NSD2: variants seen among roughly 807,000 people sequenced by gnomAD.
NSD2 encodes the protein histone-lysine N-methyltransferase NSD2.
In NSD2, 12 loss-of-function variants were observed where a neutral mutation model predicts 139.0. The observed-to-expected ratio is 0.09, with a 90% CI of 0.06 to 0.14. NSD2 has a LOEUF of 0.14. NSD2 is among the 10% of genes least tolerant of loss of function. NSD2 has a pLI of 1.00. For missense variants in NSD2, 1,155 were observed against 1,745.0 expected, an observed-to-expected ratio of 0.66 and a Z score of 6.02; for synonymous variants, 669 against 648.7, an observed-to-expected ratio of 1.03 and a Z score of -0.48.
At chr4:1,946,727 A>C in intron 9 of NSD2, 3 of 1,044,660 alleles carry the variant, frequency 2.9e-6, no homozygotes, top group Non-Finnish European at 3.5e-6. Flanking sequence ...ATTGACTGTA[A>C]TTAGCAGGTA....
chr4:1,913,225 G>A (rs753360836), intron 3 of NSD2, among the ~76,000 whole-genome samples: 1 of 152,226 alleles, frequency 6.6e-6, no homozygotes, highest in Non-Finnish European at 1.5e-5. Flanking sequence ...TTGGACTAGC[G>A]GTAACGCCAG....
chr4:1,890,953 G>T (rs1715485033), intron 1 of NSD2, among the ~76,000 whole-genome samples: 1 of 152,004 alleles, frequency 6.6e-6, no homozygotes, highest in African/African-American at 2.4e-5. Context: ...GAGTGCAGTG[G>T]CGTGATCTTG....
chr4:1,900,607 CTTTTTTT>C lies in NSD2; in HGVS notation c.-29-17_-29-11del. The C allele has an allele frequency of 6.9e-7, 1 of 1,456,160 alleles. No homozygotes were observed. Among genetic ancestry groups the C allele is most frequent in the Non-Finnish European group, 9.2e-7 (1 of 1,091,572 alleles). The allele number at this position is 1,456,160 out of a possible 1,614,324, so 90.2% of individuals were successfully genotyped here. On this transcript the variant is annotated splice_polypyrimidine_tract_variant and intron_variant, in intron 1 of 21. Transcript: ENST00000508803. ...TGTAATTGCTTTTTCTTTCTTTTTT[CTTTTTTT>C]TAATACCATAGTGTTCTAAGAACGG... is the stretch of plus-strand genomic sequence containing the variant.
intron 5 of NSD2, among the ~76,000 whole-genome samples, chr4:1,928,071 CTTT>C (rs568094064): frequency 1.4e-5 from 2 of 138,988 alleles, no homozygotes; most frequent in African/African-American, 2.6e-5. Context: ...AAAATAATTT[CTTT>C]TTTTTTTTTT....
intron 7 of NSD2, 75 bp from the exon 8 acceptor site, chr4:1,938,376 T>TCTTTTTTTTTC (rs1722655152): frequency 8.1e-7 from 1 of 1,227,446 alleles, no homozygotes; most frequent in Non-Finnish European, 1.1e-6. Context: ...TTGTTCTTTT[T>TCTTTTTTTTTC]CTTTTTTTTT....
chr4:1,919,498 C>T (rs1312740426), intron 5 of NSD2, among the ~76,000 whole-genome samples: 1 of 152,218 alleles, frequency 6.6e-6, no homozygotes, highest in East Asian at 1.9e-4. Flanking sequence ...GGGTTCCCCA[C>T]TTCCCACTTT....
In NSD2 at chr4:1,978,990, G is replaced by T; in HGVS notation, c.*81G>T. On this transcript the variant is annotated 3_prime_UTR_variant, in exon 22 of 22. Transcript: ENST00000508803. ...TGCGGGAGAGGGCGAGCATGAACTGGCCCGGAGGACCCAGCTCGAGCCGCC... is the reference window on the plus strand; with the variant it reads ...TGCGGGAGAGGGCGAGCATGAACTGTCCCGGAGGACCCAGCTCGAGCCGCC... The T allele has an allele frequency of 1.4e-6, 2 of 1,426,908 alleles. No individual in the cohort carries two copies. Among genetic ancestry groups the T allele is most frequent in the South Asian group, 1.6e-5 (1 of 64,012 alleles). The allele number at this position is 1,426,908 out of a possible 1,614,324, so 88.4% of individuals were successfully genotyped here.
In NSD2 at chr4:1,930,740, G is replaced by C. The variant is rs748110450; in HGVS notation, c.1525G>C (p.Val509Leu). The part of the protein sequence containing the change: ...RARYNTKFAL[V>L]APVQAEEDSG... Reference sequence around the variant, plus strand: ...ACGCTACAACACCAAGTTTGCCCTGGTGGCCCCTGTCCAGGCTGAAGAAGA... The same window carrying C: ...ACGCTACAACACCAAGTTTGCCCTGCTGGCCCCTGTCCAGGCTGAAGAAGA... Residue 509 changes from valine to leucine, a missense_variant, in exon 6 of 22, where the codon GTG becomes CTG. Transcript: ENST00000508803. The C allele has an allele frequency of 6.8e-6, 11 of 1,613,766 alleles. No homozygotes were observed. Among genetic ancestry groups the C allele is most frequent in the Non-Finnish European group, 9.3e-6 (11 of 1,179,888 alleles).
chr4:1,885,217 C>T (rs1359884919), intron 1 of NSD2, among the ~76,000 whole-genome samples: 1 of 152,150 alleles, frequency 6.6e-6, no homozygotes, highest in East Asian at 1.9e-4. Flanking sequence ...AGGCTGAATG[C>T]ATGTCTATTT....
intron 1 of NSD2, among the ~76,000 whole-genome samples, chr4:1,880,922 A>T (rs1241011224): frequency 6.6e-6 from 1 of 152,192 alleles, no homozygotes; most frequent in Non-Finnish European, 1.5e-5. Flanking sequence ...CACTGATTAT[A>T]TTTATTATTG....
At chr4:1,902,952 A>G (rs931281024) in intron 2 of NSD2, among the ~76,000 whole-genome samples, 3 of 152,128 alleles carry the variant, frequency 2.0e-5, no homozygotes, top group Non-Finnish European at 4.4e-5. Context: ...AGGCAGGAAG[A>G]TTGCTTGAGC....
chr4:1,896,681 C>CTTCCTCT (rs1716361132), intron 1 of NSD2, among the ~76,000 whole-genome samples: 1 of 151,556 alleles, frequency 6.6e-6, no homozygotes, highest in African/African-American at 2.4e-5. Context: ...TCCCTCCCTC[C>CTTCCTCT]CTTCCTTCCC....
intron 5 of NSD2, among the ~76,000 whole-genome samples, chr4:1,927,944 CA>C (rs1281864908): frequency 6.6e-6 from 1 of 151,972 alleles, no homozygotes; most frequent in Admixed American, 6.6e-5. Flanking sequence ...GGCTGGAATG[CA>C]GTGGTGCAAT....
intron 18 of NSD2, among the ~76,000 whole-genome samples, chr4:1,961,510 G>T (rs913039836): frequency 6.6e-6 from 1 of 152,180 alleles, no homozygotes; most frequent in African/African-American, 2.4e-5. Context: ...TTAATTTTCA[G>T]TGCTCTTTGG....
In NSD2 at chr4:1,900,863, C is replaced by A. The variant is rs757135156; in HGVS notation, c.209C>A (p.Ala70Asp). Reference sequence around the variant, plus strand: ...ATGCAGAAGTTTAACGGCCACGACGCCCTGCCCTTTATTCCAGCCGACAAG... The same window carrying A: ...ATGCAGAAGTTTAACGGCCACGACGACCTGCCCTTTATTCCAGCCGACAAG... ...GVMQKFNGHDALPFIPADKLK... is the reference protein window; with the variant it reads ...GVMQKFNGHDDLPFIPADKLK... The change falls in exon 2 of 22, where the codon GCC becomes GAC. Residue 70 changes from alanine to aspartate, a missense_variant. Physicochemically the swap from Ala to Asp is moderately radical, Grantham distance 126. Transcript: ENST00000508803. 1 of 1,613,544 alleles carries A rather than the reference C, an allele frequency of 6.2e-7. No individual in the cohort carries two copies. Among genetic ancestry groups the A allele is most frequent in the African/African-American group, 1.3e-5 (1 of 75,034 alleles).
At position 1,979,284 on chromosome 4, in the gene NSD2, G is replaced by C. The variant is rs531842145; in HGVS notation, c.*375G>C. The C allele has an allele frequency of 4.0e-6, 1 of 250,934 alleles. No individual in the cohort carries two copies. Among genetic ancestry groups the C allele is most frequent in the Non-Finnish European group, 7.6e-6 (1 of 130,816 alleles). 15.5% of individuals were successfully genotyped at this position (250,934 alleles called of 1,614,324 possible). A position where few individuals can be genotyped will look rare whatever the true frequency, so the allele number is the denominator to read the frequency against. Reference sequence around the variant, plus strand: ...TGTGTAGCGTAGGCTTTTCCCAAGGGTCGCTAGAAACTCGTCTTCGCGTTG... The same window carrying C: ...TGTGTAGCGTAGGCTTTTCCCAAGGCTCGCTAGAAACTCGTCTTCGCGTTG... On this transcript the variant is annotated 3_prime_UTR_variant, in exon 22 of 22. Coordinates refer to ENST00000508803, the MANE Select transcript of NSD2 (RefSeq NM_001042424.3).
intron 2 of NSD2, among the ~76,000 whole-genome samples, chr4:1,901,794 C>G (rs1359850992): frequency 6.6e-6 from 1 of 152,234 alleles, no homozygotes; most frequent in Non-Finnish European, 1.5e-5. Context: ...GATGGCCTGC[C>G]TCCCTGAGGC....
Position 1,949,056 on chromosome 4 carries a change from G to A in NSD2, c.1882-2016G>A, listed in dbSNP as rs939707717. ...CTCTGAGTGGGGCCCCAGACAGTGT[G>A]GCCACTGCTTCCCCATGCCCTGTGC... On this transcript the variant is annotated intron_variant, in intron 9 of 21. Transcript: ENST00000508803. Among the ~76,000 whole-genome samples, 5 of 152,326 alleles carry A rather than the reference G, an allele frequency of 3.3e-5. No individual in the cohort carries two copies. In the East Asian group the frequency reaches 9.7e-4, roughly 29 times the overall value.
intron 7 of NSD2, 48 bp from the exon 8 acceptor site, chr4:1,938,388 CTTTTTTTCTTTTCTT>C: frequency 1.8e-6 from 2 of 1,129,866 alleles, no homozygotes; most frequent in African/African-American, 2.1e-5. Context: ...TTTTTTTTTC[CTTTTTTTCTTTTCTT>C]TTTTTTTTCT....
Sources: allele counts gnomAD v4.1 joint callset (sites outside exome capture counted in the v4.1 genomes callset), GRCh38; gene constraint gnomAD v4.1.1; transcripts MANE v1.5; gene names NCBI Gene and HGNC (gene_info 2026-07-23, HGNC 2026-07-21).